The following RNF130 variants were observed in gnomAD, a reference collection of about 807,000 sequenced individuals.
RNF130 encodes the protein E3 ubiquitin-protein ligase RNF130.
Under a neutral mutation model 44.6 loss-of-function variants are expected in RNF130, and 21 were observed. The observed-to-expected ratio is 0.47, with a 90% CI of 0.33 to 0.68. The LOEUF (loss-of-function observed/expected upper bound fraction) is 0.68, where lower values mean the gene tolerates loss of function less well. Ranked by LOEUF, RNF130 falls within the 30% of genes least tolerant of loss-of-function variation. RNF130 has a pLI of 0.02. For synonymous variants in RNF130, 214 were observed against 210.4 expected, an observed-to-expected ratio of 1.02 and a Z score of -0.15; for missense variants, 479 against 560.6, an observed-to-expected ratio of 0.85 and a Z score of 1.47.
rs191199306 is a variant in RNF130, at chr5:179,993,631, T to C, written c.694-13431A>G. On this transcript the variant is annotated intron_variant, in intron 3 of 8. Transcript: ENST00000521389. ...TTGTAGATTCTGGATATTAGCCCTT[T>C]GTCAGATGGGTAGATTGCAAAAATT... Among the ~76,000 whole-genome samples, 3 of 152,364 alleles carry C rather than the reference T, an allele frequency of 2.0e-5. 1 individual carries two copies. In the East Asian group the frequency reaches 5.8e-4, roughly 29 times the overall value.
At chr5:180,023,631 T>C (rs995019324) in intron 2 of RNF130, among the ~76,000 whole-genome samples, 1 of 152,180 alleles carries the variant, frequency 6.6e-6, no homozygotes, top group Non-Finnish European at 1.5e-5. Context: ...TGGCCAAAGC[T>C]AGGATAATTT....
chr5:179,935,293 T>A (rs189072977), intron 7 of RNF130, among the ~76,000 whole-genome samples: 1 of 152,332 alleles, frequency 6.6e-6, no homozygotes, highest in Admixed American at 6.5e-5. Context: ...TATAAGTCTA[T>A]CTTAGTAAAT....
chr5:179,947,137 T>A (rs1680642400), intron 7 of RNF130, among the ~76,000 whole-genome samples: 1 of 152,206 alleles, frequency 6.6e-6, no homozygotes, highest in Admixed American at 6.5e-5. Flanking sequence ...GACACAACTG[T>A]CTTCACCATT....
downstream of RNF130, among the ~76,000 whole-genome samples, chr5:179,951,889 T>C (rs377405267): frequency 3.3e-5 from 5 of 152,034 alleles, no homozygotes; most frequent in Admixed American, 1.3e-4. Context: ...AATATCAAAA[T>C]TTACAAATGA....
intron 2 of RNF130, among the ~76,000 whole-genome samples, chr5:180,028,279 A>G (rs1456401543): frequency 1.3e-5 from 2 of 152,122 alleles, no homozygotes; most frequent in East Asian, 1.9e-4. Context: ...TCTGCTTGTT[A>G]TAACTCCATG....
chr5:180,053,135 G>A (rs1273235294), intron 1 of RNF130, among the ~76,000 whole-genome samples: 1 of 152,106 alleles, frequency 6.6e-6, no homozygotes, highest in African/African-American at 2.4e-5. Context: ...CTGGCCAAAT[G>A]GAGTAAAGAT....
chr5:180,031,858 C>G (rs574978882), intron 2 of RNF130, among the ~76,000 whole-genome samples: 1 of 152,322 alleles, frequency 6.6e-6, no homozygotes, highest in East Asian at 1.9e-4. Context: ...TACCATTTCA[C>G]ATTTCTACTC....
At chr5:179,980,302 T>A (rs1346210218) in intron 3 of RNF130, 102 bp from the exon 4 acceptor site, 3 of 987,612 alleles carry the variant, frequency 3.0e-6, no homozygotes, top group South Asian at 1.4e-5. Context: ...TTTTACTACA[T>A]CCCTCTCCAT....
chr5:180,057,303 C>T (rs543441922), intron 1 of RNF130, among the ~76,000 whole-genome samples: 148 of 152,334 alleles, frequency 9.7e-4, no homozygotes, highest in Non-Finnish European at 1.7e-3. Context: ...AATCCCAGCA[C>T]TTTGGGAGGC....
chr5:180,002,381 G>T (rs543608562), intron 3 of RNF130, among the ~76,000 whole-genome samples: 1 of 152,304 alleles, frequency 6.6e-6, no homozygotes, highest in East Asian at 1.9e-4. Context: ...GTGGTTTGGT[G>T]GCAGCTTAGC....
chr5:179,963,705 T>C (rs983413759), intron 7 of RNF130, 141 bp from the exon 8 acceptor site: 1 of 662,872 alleles, frequency 1.5e-6, no homozygotes, highest in African/African-American at 1.8e-5. Flanking sequence ...AAGCAGGAGG[T>C]TTGCCAGAGA....
rs747129327 is a variant in RNF130, at chr5:180,040,436, C to T, written c.442+17G>A. On this transcript the variant is annotated intron_variant, in intron 2 of 8. Transcript: ENST00000521389. ...CTAAGAAGAAAAACAAAATCAACAA[C>T]CCTCATTTTTGTTTACCTGGATGAG... is the stretch of plus-strand genomic sequence containing the variant. 6.2e-7 allele frequency: 1 copy of T among 1,600,608 alleles called. No homozygotes were observed.
intron 8 of RNF130, among the ~76,000 whole-genome samples, chr5:179,961,244 C>T (rs540310410): frequency 3.9e-5 from 6 of 152,208 alleles, no homozygotes; most frequent in Admixed American, 2.6e-4. Flanking sequence ...AACATGCACG[C>T]ACACACACAC....
chr5:179,996,711 T>G (rs1763207437), intron 3 of RNF130, among the ~76,000 whole-genome samples: 1 of 152,250 alleles, frequency 6.6e-6, no homozygotes, highest in Admixed American at 6.5e-5. Context: ...GGATTCAGTT[T>G]GCTAGTATTT....
chr5:180,020,646 T>C (rs535835051), intron 2 of RNF130, among the ~76,000 whole-genome samples: 50 of 152,286 alleles, frequency 3.3e-4, no homozygotes, highest in African/African-American at 1.1e-3. Flanking sequence ...CACATACAAG[T>C]AGGGCCAAGG....
downstream of RNF130, among the ~76,000 whole-genome samples, chr5:179,952,111 T>C (rs903728732): frequency 6.6e-6 from 1 of 152,116 alleles, no homozygotes; most frequent in African/African-American, 2.4e-5. Flanking sequence ...GGTAGGAGGA[T>C]TGTTGGAGCC....
At chr5:179,947,920 G>C (rs1762068833) in intron 7 of RNF130, among the ~76,000 whole-genome samples, 1 of 152,148 alleles carries the variant, frequency 6.6e-6, no homozygotes, top group South Asian at 2.1e-4. Context: ...GTATGTGTTT[G>C]TGTAGCTCAG....
intron 8 of RNF130, among the ~76,000 whole-genome samples, chr5:179,959,034 G>A (rs1488148150): frequency 6.6e-6 from 1 of 152,170 alleles, no homozygotes; most frequent in Non-Finnish European, 1.5e-5. Flanking sequence ...GATATCGCCA[G>A]AGCTCCAGAA....
intron 7 of RNF130, among the ~76,000 whole-genome samples, chr5:179,965,664 A>G (rs1050824068): frequency 6.6e-6 from 1 of 152,198 alleles, no homozygotes; most frequent in Admixed American, 6.5e-5. Context: ...AAAGTAAGAA[A>G]ACCATGAAAT....
Sources: allele counts gnomAD v4.1 joint callset (sites outside exome capture counted in the v4.1 genomes callset), GRCh38; gene constraint gnomAD v4.1.1; transcripts MANE v1.5; gene names NCBI Gene and HGNC (gene_info 2026-07-23, HGNC 2026-07-21).